R3HCC1L: variants seen among roughly 807,000 people sequenced by gnomAD.
R3HCC1L encodes R3H domain and coiled-coil containing 1 like.
R3HCC1L carries 51 observed loss-of-function variants against 59.9 expected under a neutral mutation model. The observed-to-expected ratio is 0.85, with a 90% CI of 0.68 to 1.07. The LOEUF is 1.07. R3HCC1L is among the 50% of genes least tolerant of loss of function. The pLI is 0.00. For synonymous variants in R3HCC1L, 322 were observed against 315.2 expected (o/e 1.02, Z -0.23); for missense variants, 965 against 933.0 (o/e 1.03, Z -0.45).
At chr10:98,234,593 T>C in intron 7 of R3HCC1L, 77 bp downstream of exon 7, 4 of 1,449,894 alleles carry the variant, frequency 2.8e-6, no homozygotes, top group East Asian at 2.3e-5. Context: ...TCCCTTCTAT[T>C]TGAGCAAGTT....
At position 98,184,058 on chromosome 10, in the gene R3HCC1L, C is replaced by CGTGT. The variant is rs148665186; in HGVS notation, c.-15+20675_-15+20678dup. ...GGACATGCTTTGTCTTTTCCTGAGA[C>CGTGT]GTGTGTGTGTGTGTGTGGTGGGGAG... On this transcript the variant is annotated intron_variant, in intron 4 of 9. Transcript: ENST00000298999. 8.9e-4 allele frequency among the ~76,000 whole-genome samples: 126 copies of CGTGT among 142,268 alleles called. 1 individual carries two copies. The highest frequency in any genetic ancestry group is 1.7e-3 in the Non-Finnish European group (114 of 65,828). The allele number at this position is 142,268 out of a possible 152,430, so 93.3% of individuals were successfully genotyped here. A position where few individuals can be genotyped will look rare whatever the true frequency, so the allele number is the denominator to read the frequency against.
chr10:98,165,907 C>T (rs988146763), intron 4 of R3HCC1L, among the ~76,000 whole-genome samples: 4 of 152,136 alleles, frequency 2.6e-5, no homozygotes, highest in African/African-American at 9.7e-5. Flanking sequence ...TGCGATGGCT[C>T]ATGCCTGTAA....
At chr10:98,145,360 C>T (rs146017915) in intron 1 of R3HCC1L, among the ~76,000 whole-genome samples, 4 of 152,216 alleles carry the variant, frequency 2.6e-5, no homozygotes, top group Non-Finnish European at 5.9e-5. Flanking sequence ...GTCAGAATAC[C>T]GCAAAATTTT....
At chr10:98,146,609 T>C (rs1845684318) in intron 1 of R3HCC1L, among the ~76,000 whole-genome samples, 1 of 152,236 alleles carries the variant, frequency 6.6e-6, no homozygotes, top group Non-Finnish European at 1.5e-5. Flanking sequence ...CAATGACCTC[T>C]AGTTCCATTT....
intron 9 of R3HCC1L, among the ~76,000 whole-genome samples, chr10:98,243,809 A>C (rs1857792797): frequency 6.6e-6 from 1 of 152,248 alleles, no homozygotes; most frequent in Non-Finnish European, 1.5e-5. Context: ...TGTATTAGCA[A>C]GACTAGAATC....
At chr10:98,202,459 GAC>G (rs1852155989) in intron 4 of R3HCC1L, among the ~76,000 whole-genome samples, 1 of 152,134 alleles carries the variant, frequency 6.6e-6, no homozygotes, top group African/African-American at 2.4e-5. Flanking sequence ...ATGCCCTGAG[GAC>G]ACATCACCAC....
intron 4 of R3HCC1L, among the ~76,000 whole-genome samples, chr10:98,190,831 G>A (rs1291408283): frequency 6.9e-5 from 10 of 145,442 alleles, no homozygotes; most frequent in African/African-American, 2.6e-4. Flanking sequence ...AGGCCCCAGT[G>A]TGTGATGTTC....
chr10:98,244,132 G>GA lies in R3HCC1L; in HGVS notation c.2313dup (p.Gly772ArgfsTer13), dbSNP rs1857852144. The GA allele has an allele frequency of 9.3e-6, 15 of 1,613,898 alleles. No individual in the cohort carries two copies. Among genetic ancestry groups the GA allele is most frequent in the Non-Finnish European group, 1.3e-5 (15 of 1,179,884 alleles). ...AGCCAAGCAACGGGAAGACATCTGG[G>GA]AAGGCAGAGACCAGTCTACAGTTTG... On this transcript the variant is annotated frameshift_variant, in exon 10 of 10. Coordinates refer to ENST00000298999, the MANE Select transcript of R3HCC1L (RefSeq NM_001351015.2). LOFTEE classifies it high-confidence loss of function.
At chr10:98,224,390 C>T (rs993605938) in intron 5 of R3HCC1L, among the ~76,000 whole-genome samples, 1 of 152,044 alleles carries the variant, frequency 6.6e-6, no homozygotes, top group African/African-American at 2.4e-5. Flanking sequence ...TGATGCATGC[C>T]TTGTTGATCT....
intron 4 of R3HCC1L, among the ~76,000 whole-genome samples, chr10:98,178,751 TG>T (rs1328282268): frequency 1.3e-5 from 2 of 152,342 alleles, no homozygotes; most frequent in African/African-American, 4.8e-5. Flanking sequence ...AGCACTGGTT[TG>T]TAGTTGTCCT....
At chr10:98,186,454 T>C (rs1850229042) in intron 4 of R3HCC1L, 8 of 921,400 alleles carry the variant, frequency 8.7e-6, no homozygotes, top group Non-Finnish European at 1.0e-5. Flanking sequence ...TATAATTTCC[T>C]TGTTTTTTCC....
chr10:98,163,494 T>C, intron 4 of R3HCC1L, 97 bp downstream of exon 4: 1 of 776,820 alleles, frequency 1.3e-6, no homozygotes, highest in African/African-American at 1.8e-5. Flanking sequence ...TATCATTTTA[T>C]TTTGTAACTG....
rs549369789 is a variant in R3HCC1L, at chr10:98,234,666, T to C, written c.2032+150T>C. The C allele has an allele frequency of 4.3e-4, 309 of 719,144 alleles. 6 individuals carry two copies. The South Asian group carries it at 5.5e-3, about 13-fold the overall frequency. 44.5% of individuals were successfully genotyped at this position (719,144 alleles called of 1,614,324 possible). ...AGTGGTTTTTTTGAGGTAAGGTACT[T>C]TGGTACCCATTCTCACCTTTCACCT... is the stretch of plus-strand genomic sequence containing the variant. On this transcript the variant is annotated intron_variant, in intron 7 of 9. Transcript: ENST00000298999.
Position 98,186,574 on chromosome 10 carries a change from T to C in R3HCC1L, c.-14-21527T>C, listed in dbSNP as rs562757646. 1.7e-4 allele frequency: 153 copies of C among 892,648 alleles called. No homozygotes were observed. In the African/African-American group the frequency reaches 2.4e-3, roughly 14 times the overall value. 55.3% of individuals were successfully genotyped at this position (892,648 alleles called of 1,614,324 possible). A position where few individuals can be genotyped will look rare whatever the true frequency, so the allele number is the denominator to read the frequency against. On this transcript the variant is annotated intron_variant, in intron 4 of 9. Coordinates refer to ENST00000298999, the MANE Select transcript of R3HCC1L (RefSeq NM_001351015.2). ...CCAGAGTCACCTAAGGTAGTGACCA[T>C]TGCCACTAACAGTTGTGACAAGTTT...
intron 4 of R3HCC1L, among the ~76,000 whole-genome samples, chr10:98,183,708 G>T (rs975991443): frequency 6.6e-6 from 1 of 152,010 alleles, no homozygotes; most frequent in African/African-American, 2.4e-5. Flanking sequence ...TTCTGAGACT[G>T]TCTTGGTCTT....
chr10:98,209,642 G>A lies in R3HCC1L; in HGVS notation c.1528G>A (p.Gly510Ser), dbSNP rs552450363. The A allele has an allele frequency of 4.3e-6, 7 of 1,613,952 alleles. No homozygotes were observed. In the Admixed American group the frequency reaches 6.7e-5, roughly 15 times the overall value. ...LSDSAVGIDL[G>S]STGDTTEALH... ...AGACAGTGCCGTGGGCATTGACCTGGGTAGTACTGGTGATACAACAGAAGC... is the reference window on the plus strand; with the variant it reads ...AGACAGTGCCGTGGGCATTGACCTGAGTAGTACTGGTGATACAACAGAAGC... The change falls in exon 5 of 10, where the codon GGT (glycine) becomes AGT (serine). Residue 510 changes from glycine to serine, a missense_variant. Physicochemically the swap from Gly to Ser is moderately conservative, Grantham distance 56. Coordinates refer to ENST00000298999, the MANE Select transcript of R3HCC1L (RefSeq NM_001351015.2).
chr10:98,203,203 G>A (rs912709931), intron 4 of R3HCC1L, among the ~76,000 whole-genome samples: 1 of 152,134 alleles, frequency 6.6e-6, no homozygotes, highest in African/African-American at 2.4e-5. Flanking sequence ...GGGCCATGAT[G>A]TCTGTAATTT....
At chr10:98,240,868 A>C (rs7899632) in intron 9 of R3HCC1L, among the ~76,000 whole-genome samples, 1 of 149,568 alleles carries the variant, frequency 6.7e-6, no homozygotes, top group Admixed American at 6.7e-5. Flanking sequence ...TTTGGTGTCA[A>C]TTGCTGTTTA....
At chr10:98,175,914 AGGT>A (rs1848966265) in intron 4 of R3HCC1L, among the ~76,000 whole-genome samples, 1 of 152,194 alleles carries the variant, frequency 6.6e-6, no homozygotes, top group Non-Finnish European at 1.5e-5. Context: ...TTAAAATTGT[AGGT>A]TTACATTTAG....
Sources: allele counts gnomAD v4.1 joint callset (sites outside exome capture counted in the v4.1 genomes callset), GRCh38; gene constraint gnomAD v4.1.1; transcripts MANE v1.5; gene names NCBI Gene and HGNC (gene_info 2026-07-23, HGNC 2026-07-21).